The following SOX5 variants were observed in gnomAD, a reference collection of about 807,000 sequenced individuals.
SOX5 encodes transcription factor SOX-5.
SOX5 carries 9 observed loss-of-function variants against 92.0 expected under a neutral mutation model. The ratio of observed to expected loss-of-function variants is 0.10; its 90% CI spans 0.06 to 0.17. The LOEUF is 0.17. Ranked by LOEUF, SOX5 falls within the 10% of genes least tolerant of loss-of-function variation. The probability of loss-of-function intolerance (pLI) is 1.00; values close to 1 mark genes in which losing one functional copy is unlikely to be tolerated. For synonymous variants in SOX5, 344 were observed against 336.3 expected (o/e 1.02, Z -0.25); for missense variants, 642 against 944.5 (o/e 0.68, Z 4.20).
At chr12:23,708,325 AAAAC>A (rs1244381079) in intron 6 of SOX5, among the ~76,000 whole-genome samples, 2 of 152,084 alleles carry the variant, frequency 1.3e-5, no homozygotes, top group South Asian at 2.1e-4. Flanking sequence ...TATAAAAAAA[AAAAC>A]AAACACAGAG....
chr12:23,914,523 G>A (rs79517613), intron 1 of SOX5, among the ~76,000 whole-genome samples: 2 of 152,028 alleles, frequency 1.3e-5, no homozygotes, highest in South Asian at 4.1e-4. Flanking sequence ...CTCTATCACG[G>A]CAGAGGAGAA....
intron 3 of SOX5, among the ~76,000 whole-genome samples, chr12:23,809,580 A>G (rs1427088473): frequency 6.6e-6 from 1 of 151,120 alleles, no homozygotes; most frequent in Non-Finnish European, 1.5e-5. Flanking sequence ...AAATCAATTT[A>G]AGAATCATCT....
intron 6 of SOX5, among the ~76,000 whole-genome samples, chr12:23,687,042 A>G (rs1369949529): frequency 1.3e-5 from 2 of 152,074 alleles, no homozygotes; most frequent in Non-Finnish European, 2.9e-5. Flanking sequence ...ACTATTTGGC[A>G]TAGGGTTTAT....
intron 1 of SOX5, among the ~76,000 whole-genome samples, chr12:24,493,757 G>A (rs187324315): frequency 1.3e-5 from 2 of 152,068 alleles, no homozygotes; most frequent in East Asian, 1.9e-4. Flanking sequence ...CCAGCTACTC[G>A]GGAGGCTGAG....
intron 4 of SOX5, among the ~76,000 whole-genome samples, chr12:24,106,410 G>C (rs1461443283): frequency 6.6e-6 from 1 of 152,132 alleles, no homozygotes; most frequent in Non-Finnish European, 1.5e-5. Context: ...ATGACATCTA[G>C]AGAAATGAAG....
intron 1 of SOX5, among the ~76,000 whole-genome samples, chr12:24,471,857 G>GAA (rs537758108): frequency 2.8e-5 from 4 of 142,160 alleles, no homozygotes; most frequent in Non-Finnish European, 4.6e-5. Context: ...TTAGTCAGTT[G>GAA]AAAAAAAAAA....
intron 4 of SOX5, among the ~76,000 whole-genome samples, chr12:24,136,517 A>C (rs1321440297): frequency 6.6e-6 from 1 of 152,206 alleles, no homozygotes; most frequent in Admixed American, 6.5e-5. Context: ...TCCTTTGTGC[A>C]TAGGGGATTA....
At chr12:24,074,857 T>C (rs1942327162) in intron 4 of SOX5, among the ~76,000 whole-genome samples, 1 of 151,548 alleles carries the variant, frequency 6.6e-6, no homozygotes, top group Non-Finnish European at 1.5e-5. Context: ...ATTTGGTTTC[T>C]ACTCTTTGGA....
At chr12:24,051,302 A>C (rs1471694631) in intron 4 of SOX5, among the ~76,000 whole-genome samples, 1 of 152,146 alleles carries the variant, frequency 6.6e-6, no homozygotes, top group Non-Finnish European at 1.5e-5. Flanking sequence ...GGAAGACTCA[A>C]ATTTTTAATA....
At chr12:23,824,520 G>A (rs568107767) in intron 3 of SOX5, among the ~76,000 whole-genome samples, 15 of 152,248 alleles carry the variant, frequency 9.9e-5, no homozygotes, top group African/African-American at 2.4e-4. Flanking sequence ...AGAGCCAGCC[G>A]GATCTCTCCT....
chr12:23,728,746 A>C (rs1040071686), intron 6 of SOX5, among the ~76,000 whole-genome samples: 1 of 152,116 alleles, frequency 6.6e-6, no homozygotes, highest in Non-Finnish European at 1.5e-5. Context: ...AAGAAAACTC[A>C]TTTTAAAACT....
chr12:24,157,079 C>T (rs190992881), intron 4 of SOX5, among the ~76,000 whole-genome samples: 2 of 152,144 alleles, frequency 1.3e-5, no homozygotes, highest in Admixed American at 1.3e-4. Flanking sequence ...TGTTTATCTT[C>T]AGTGTTTTCT....
Position 24,078,047 on chromosome 12 carries a change from C to A in SOX5, c.-2+135296G>T, listed in dbSNP as rs138725814. 5.6e-3 allele frequency among the ~76,000 whole-genome samples: 844 copies of A among 151,650 alleles called. 4 individuals carry two copies. The highest frequency in any genetic ancestry group is 0.02 in the East Asian group (103 of 5,162). On this transcript the variant is annotated intron_variant, in intron 4 of 4. Coordinates refer to the SOX5 transcript ENST00000446891. ...TATATTTAAAAAGCATAACTTTTAC[C>A]TTTATAATATGTACACAGATGAAAT...
At chr12:24,429,757 C>T (rs75711282) in intron 1 of SOX5, among the ~76,000 whole-genome samples, 4,638 of 152,066 alleles carry the variant, frequency 0.03, 107 homozygotes, top group Admixed American at 0.044. Flanking sequence ...CATAAATACA[C>T]AAATGTTATT....
rs899151440 is a variant in SOX5, at chr12:24,289,666, G to A, written c.-173-12354C>T. ...GAGACGGGGTTTCACCGTTTTAGCC[G>A]GGATGGTCTCGATCTCCTGACCTCG... is the stretch of plus-strand genomic sequence containing the variant. On this transcript the variant is annotated intron_variant, in intron 2 of 4. Coordinates refer to the SOX5 transcript ENST00000446891. 1.2e-4 allele frequency among the ~76,000 whole-genome samples: 15 copies of A among 122,762 alleles called. 2 individuals carry two copies. Among genetic ancestry groups the A allele is most frequent in the Admixed American group, 4.4e-4 (6 of 13,492 alleles). The allele number at this position is 122,762 out of a possible 152,430, so 80.5% of individuals were successfully genotyped here.
chr12:24,075,662 A>G (rs563614673), intron 4 of SOX5, among the ~76,000 whole-genome samples: 1 of 152,182 alleles, frequency 6.6e-6, no homozygotes, highest in South Asian at 2.1e-4. Context: ...TTTTTTTAAA[A>G]AAGACATGAT....
At chr12:24,324,999 C>G (rs561164791) in intron 2 of SOX5, among the ~76,000 whole-genome samples, 2 of 151,546 alleles carry the variant, frequency 1.3e-5, no homozygotes, top group Non-Finnish European at 2.9e-5. Flanking sequence ...TATGAGGCAC[C>G]AAGAGTGAAC....
intron 3 of SOX5, among the ~76,000 whole-genome samples, chr12:24,248,643 C>T (rs1939393854): frequency 6.6e-6 from 1 of 152,174 alleles, no homozygotes; most frequent in Non-Finnish European, 1.5e-5. Flanking sequence ...ACTTGGCCTC[C>T]CAAAGTGCTG....
chr12:24,179,764 T>C (rs565560759), intron 4 of SOX5, among the ~76,000 whole-genome samples: 2 of 152,140 alleles, frequency 1.3e-5, no homozygotes, highest in Non-Finnish European at 2.9e-5. Flanking sequence ...ATAGGTTAGA[T>C]GTATTAAATG....
Sources: allele counts gnomAD v4.1 joint callset (sites outside exome capture counted in the v4.1 genomes callset), GRCh38; gene constraint gnomAD v4.1.1; transcripts MANE v1.5; gene names NCBI Gene and HGNC (gene_info 2026-07-23, HGNC 2026-07-21).